GSE1: variants seen among roughly 807,000 people sequenced by gnomAD.
The protein encoded by GSE1 is Gse1 coiled-coil protein, also known as genetic suppressor element 1.
GSE1 carries 32 observed loss-of-function variants against 112.6 expected under a neutral mutation model. The ratio of observed to expected loss-of-function variants is 0.28; its 90% CI spans 0.21 to 0.38. GSE1 has a LOEUF of 0.38. GSE1 is among the 10% of genes least tolerant of loss of function. The pLI, the probability that GSE1 is intolerant of heterozygous loss-of-function variation, is 1.00. For synonymous variants in GSE1, 1,115 were observed against 735.6 expected (o/e 1.52, Z -8.35); for missense variants, 2,348 against 1,699.2 (o/e 1.38, Z -6.71).
intron 1 of GSE1, among the ~76,000 whole-genome samples, chr16:85,312,271 C>T (rs1354818777): frequency 6.9e-6 from 1 of 145,164 alleles, no homozygotes; most frequent in Non-Finnish European, 1.5e-5. Context: ...GCTGATGTGA[C>T]AGTGTGCCAC....
intron 1 of GSE1, among the ~76,000 whole-genome samples, chr16:85,309,050 G>A (rs1452962425): frequency 6.6e-6 from 1 of 151,426 alleles, no homozygotes; most frequent in Non-Finnish European, 1.5e-5. Flanking sequence ...ATGGGGCGGG[G>A]CCTGAGTCTC....
chr16:85,360,892 G>A (rs1032031129), intron 2 of GSE1, among the ~76,000 whole-genome samples: 1 of 151,582 alleles, frequency 6.6e-6, no homozygotes, highest in African/African-American at 2.4e-5. Flanking sequence ...CCAAGCACAC[G>A]ATATGCACGT....
chr16:85,211,820 C>T (rs1397787294), intron 1 of GSE1, among the ~76,000 whole-genome samples: 1 of 152,228 alleles, frequency 6.6e-6, no homozygotes, highest in East Asian at 1.9e-4. Flanking sequence ...CGGGCTCTTC[C>T]CCAGACTTGG....
At chr16:85,209,177 C>G (rs150204925) in intron 1 of GSE1, among the ~76,000 whole-genome samples, 1 of 152,292 alleles carries the variant, frequency 6.6e-6, no homozygotes, top group Non-Finnish European at 1.5e-5. Flanking sequence ...CACTGTGGCC[C>G]TGGCCTGCAG....
chr16:85,602,553 G>A (rs1598342646), intron 1 of GSE1, among the ~76,000 whole-genome samples: 1 of 152,032 alleles, frequency 6.6e-6, no homozygotes, highest in Non-Finnish European at 1.5e-5. Flanking sequence ...TGGGCCTAGG[G>A]TGACCCGCTG....
intron 1 of GSE1, among the ~76,000 whole-genome samples, chr16:85,290,253 G>A (rs780154105): frequency 1.3e-5 from 2 of 152,182 alleles, no homozygotes; most frequent in Admixed American, 6.5e-5. Flanking sequence ...GCACAGGCCT[G>A]CCCTGCCTCA....
intron 1 of GSE1, among the ~76,000 whole-genome samples, chr16:85,563,407 C>T (rs2045609928): frequency 6.6e-6 from 1 of 152,178 alleles, no homozygotes; most frequent in African/African-American, 2.4e-5. Flanking sequence ...CTTTTTCCCA[C>T]ACATGCCAGG....
exon 1 of GSE1, chr16:85,170,396 G>A: frequency 2.2e-5 from 22 of 985,546 alleles, no homozygotes; most frequent in Non-Finnish European, 2.5e-5. Flanking sequence ...CCTGCAGACG[G>A]CATGAAAGGG....
At position 85,656,557 on chromosome 16, in the gene GSE1, A is replaced by C. The variant is rs942636948; in HGVS notation, c.1204A>C (p.Lys402Gln). ...RAREKELLAAKALEPSFLPVA... is the reference protein window; with the variant it reads ...RAREKELLAAQALEPSFLPVA... ...CCGGGAGAAGGAGCTGCTGGCCGCC[A>C]AGGCCCTGGAGCCCAGCTTCCTGCC... The change falls in exon 7 of 16, where the codon AAG becomes CAG. Residue 402 changes from lysine to glutamine, a missense_variant. Transcript: ENST00000253458. 8.4e-6 allele frequency: 13 copies of C among 1,548,328 alleles called. No homozygotes were observed. The highest frequency in any genetic ancestry group is 1.0e-5 in the Non-Finnish European group (12 of 1,146,366).
Position 85,251,671 on chromosome 16 carries a change from GC to G in GSE1, c.2283+79867del, listed in dbSNP as rs529403626. 3.6e-3 allele frequency among the ~76,000 whole-genome samples: 546 copies of G among 152,362 alleles called. 1 individual carries two copies. Among genetic ancestry groups the G allele is most frequent in the Middle Eastern group, 6.8e-3 (2 of 294 alleles). On this transcript the variant is annotated intron_variant, in intron 1 of 2. Transcript: ENST00000637419. ...GTCAGACCCTGCCTGCTGGGCACGTGCCCTCTTTCACACGCAGGCCTCTGCT... is the reference window on the plus strand; with the variant it reads ...GTCAGACCCTGCCTGCTGGGCACGTGCCTCTTTCACACGCAGGCCTCTGCT...
intron 2 of GSE1, among the ~76,000 whole-genome samples, chr16:85,532,675 A>C (rs191898365): frequency 1.3e-5 from 2 of 152,208 alleles, no homozygotes; most frequent in Admixed American, 1.3e-4. Flanking sequence ...TTCTGAGCAG[A>C]GCCCCCAGGC....
At chr16:85,481,066 C>T (rs1341599566) in intron 2 of GSE1, among the ~76,000 whole-genome samples, 2 of 151,864 alleles carry the variant, frequency 1.3e-5, no homozygotes, top group Non-Finnish European at 2.9e-5. Flanking sequence ...GCCTCGGTTT[C>T]GGCGTTTTTC....
chr16:85,279,448 A>C (rs550144510), intron 1 of GSE1, among the ~76,000 whole-genome samples: 1 of 152,262 alleles, frequency 6.6e-6, no homozygotes, highest in African/African-American at 2.4e-5. Flanking sequence ...CTCTACAAAA[A>C]GTACAAAAAT....
intron 1 of GSE1, among the ~76,000 whole-genome samples, chr16:85,623,048 G>A (rs1228893730): frequency 6.6e-6 from 1 of 152,130 alleles, no homozygotes; most frequent in East Asian, 1.9e-4. Context: ...TCATGGGGCT[G>A]TGGTTTTTAT....
At chr16:85,655,092 T>C in intron 5 of GSE1, 101 bp downstream of exon 5, 1 of 798,774 alleles carries the variant, frequency 1.3e-6, no homozygotes, top group Non-Finnish European at 2.1e-6. Context: ...AGAGCCAGGC[T>C]CCTAGGGGAG....
chr16:85,372,311 T>TA (rs2047317882), intron 2 of GSE1, among the ~76,000 whole-genome samples: 1 of 151,726 alleles, frequency 6.6e-6, no homozygotes, highest in Non-Finnish European at 1.5e-5. Flanking sequence ...ACCCCATCTC[T>TA]AAAAAACAAC....
In GSE1 at chr16:85,656,366, G is replaced by GGCGGGAGAGGGAGCGCGA. The variant is rs781059196; in HGVS notation, c.1017_1034dup (p.Arg347_Glu352dup). Reference sequence around the variant, plus strand: ...AGGCTGCAGATGGACGAGGAGCTAAGGCGGGAGAGGGAGCGCGAGCGCGAG... The same window carrying GGCGGGAGAGGGAGCGCGA: ...AGGCTGCAGATGGACGAGGAGCTAAGGCGGGAGAGGGAGCGCGAGCGGGAGAGGGAGCGCGAGCGCGAG... On this transcript the variant is annotated inframe_insertion, in exon 7 of 16. Coordinates refer to ENST00000253458, the MANE Select transcript of GSE1 (RefSeq NM_014615.5). 1.9e-5 allele frequency: 31 copies of GGCGGGAGAGGGAGCGCGA among 1,610,114 alleles called. No individual in the cohort carries two copies. The Admixed American group carries it at 2.2e-4, about 11-fold the overall frequency.
chr16:85,641,018 G>T (rs890450298), intron 2 of GSE1, among the ~76,000 whole-genome samples: 1 of 152,246 alleles, frequency 6.6e-6, no homozygotes, highest in Non-Finnish European at 1.5e-5. Flanking sequence ...GGAGCCCTGG[G>T]CAGGGTGGAG....
chr16:85,280,693 G>T (rs2151422524), intron 1 of GSE1, among the ~76,000 whole-genome samples: 1 of 152,308 alleles, frequency 6.6e-6, no homozygotes, highest in Middle Eastern at 3.4e-3. Context: ...ACAGCACCCG[G>T]CCACATGGTC....
Sources: allele counts gnomAD v4.1 joint callset (sites outside exome capture counted in the v4.1 genomes callset), GRCh38; gene constraint gnomAD v4.1.1; transcripts MANE v1.5; gene names NCBI Gene and HGNC (gene_info 2026-07-23, HGNC 2026-07-21).